Variants in KIAA0319L observed in about 807,000 individuals in gnomAD.
The protein encoded by KIAA0319L is dyslexia-associated protein KIAA0319-like protein.
A neutral mutation model predicts 120.1 loss-of-function variants in KIAA0319L; 55 were observed. That is an observed-to-expected ratio of 0.46 (90% CI 0.37 to 0.57). The LOEUF (loss-of-function observed/expected upper bound fraction) is 0.57, where lower values mean the gene tolerates loss of function less well. Ranked by LOEUF, KIAA0319L falls within the 20% of genes least tolerant of loss-of-function variation. The pLI, the probability that KIAA0319L is intolerant of heterozygous loss-of-function variation, is 0.00. For missense variants in KIAA0319L, 1,049 were observed against 1,255.3 expected, an observed-to-expected ratio of 0.84 and a Z score of 2.48; for synonymous variants, 398 against 471.9, an observed-to-expected ratio of 0.84 and a Z score of 2.03.
At chr1:35,527,189 T>G (rs992650199) in intron 2 of KIAA0319L, among the ~76,000 whole-genome samples, 4 of 152,152 alleles carry the variant, frequency 2.6e-5, no homozygotes, top group Non-Finnish European at 5.9e-5. Flanking sequence ...TGATGTATCA[T>G]TTTATTGATT....
rs1195757180 is a variant in KIAA0319L, at chr1:35,453,198, C to T, written c.1913+359G>A. On this transcript the variant is annotated intron_variant, in intron 12 of 20. Coordinates refer to ENST00000325722, the MANE Select transcript of KIAA0319L (RefSeq NM_024874.5). The surrounding 1 kb of genome is among the most constrained non-coding windows in gnomAD (Gnocchi z 4.1). ...TAGCTGCTCTGCCCCATCCCCCGTG[C>T]CAGCCTTACCCAGTTAATTCTGAGC... 6.6e-6 allele frequency among the ~76,000 whole-genome samples: 1 copy of T among 152,160 alleles called. No individual in the cohort carries two copies. Among genetic ancestry groups the T allele is most frequent in the East Asian group, 1.9e-4 (1 of 5,202 alleles).
At chr1:35,535,951 C>T (rs932956095) in intron 2 of KIAA0319L, among the ~76,000 whole-genome samples, 1 of 152,022 alleles carries the variant, frequency 6.6e-6, no homozygotes, top group African/African-American at 2.4e-5. Flanking sequence ...AAAAGTTCAC[C>T]CAATATTTAA....
chr1:35,467,287 A>G (rs1053274675), intron 6 of KIAA0319L, among the ~76,000 whole-genome samples: 1 of 152,156 alleles, frequency 6.6e-6, no homozygotes, highest in African/African-American at 2.4e-5. Context: ...CATTTTGTAA[A>G]GATACTAAAT....
chr1:35,545,549 G>T (rs1464827645), intron 2 of KIAA0319L, among the ~76,000 whole-genome samples: 1 of 152,196 alleles, frequency 6.6e-6, no homozygotes, highest in Non-Finnish European at 1.5e-5. Flanking sequence ...CATATGCAGA[G>T]AAATGGAGCC....
intron 2 of KIAA0319L, chr1:35,533,576 C>T (rs1646457159): frequency 6.6e-6 from 1 of 152,118 alleles, no homozygotes; most frequent in Non-Finnish European, 1.5e-5. Context: ...TCAAAGCTTT[C>T]CCTTGATAAT....
intron 19 of KIAA0319L, 26 bp downstream of exon 19, chr1:35,442,220 G>C: frequency 6.4e-7 from 1 of 1,551,546 alleles, no homozygotes. Flanking sequence ...AAGCCCGAAT[G>C]AATTTCAAAG....
At chr1:35,554,224 G>T in intron 2 of KIAA0319L, 126 bp downstream of exon 2, 1 of 600,662 alleles carries the variant, frequency 1.7e-6, no homozygotes, top group South Asian at 4.2e-5. Flanking sequence ...CCAAAAGGAT[G>T]ACCATTTCTG....
intron 13 of KIAA0319L, among the ~76,000 whole-genome samples, chr1:35,450,853 T>C (rs1642009421): frequency 6.6e-6 from 1 of 152,208 alleles, no homozygotes; most frequent in African/African-American, 2.4e-5. Flanking sequence ...CTTAAAACCT[T>C]GGAGTTTAGG....
At chr1:35,460,568 T>G in intron 8 of KIAA0319L, 131 bp from the exon 9 acceptor site, 5 of 753,514 alleles carry the variant, frequency 6.6e-6, no homozygotes, top group Non-Finnish European at 8.5e-6. Context: ...AGACTATCTC[T>G]CCAGAATGTT....
chr1:35,459,827 C>G (rs1194522879), intron 9 of KIAA0319L, among the ~76,000 whole-genome samples: 7 of 152,148 alleles, frequency 4.6e-5, no homozygotes, highest in African/African-American at 1.7e-4. Context: ...TCAATACTAG[C>G]TCCCCAAATG....
chr1:35,438,909 G>A (rs1352623186), intron 20 of KIAA0319L: 2 of 152,398 alleles, frequency 1.3e-5, no homozygotes, highest in Non-Finnish European at 2.9e-5. Context: ...TACTTAGGAA[G>A]CTGAGGTGGA....
rs1020232596 is a variant in KIAA0319L at position 35,437,123 on chromosome 1, T to C, written c.2963-2042A>G. On this transcript the variant is annotated intron_variant, in intron 20 of 20. Coordinates refer to ENST00000325722, the MANE Select transcript of KIAA0319L (RefSeq NM_024874.5). This position sits in a 1 kb window ranked among gnomAD's most constrained non-coding sequence, Gnocchi z 4.1. ...CCTGCTGCCCTCACCTGGTCGCACG[T>C]TGTTGGTTTTGGTCACCTAGATGCC... Among the ~76,000 whole-genome samples, 17 of 152,218 alleles carry C rather than the reference T, an allele frequency of 1.1e-4. No individual in the cohort carries two copies. The highest frequency in any genetic ancestry group is 2.1e-4 in the South Asian group (1 of 4,808).
intron 2 of KIAA0319L, among the ~76,000 whole-genome samples, chr1:35,546,796 T>C (rs1646998362): frequency 6.6e-6 from 1 of 152,040 alleles, no homozygotes; most frequent in African/African-American, 2.4e-5. Context: ...CCTTCTCTAC[T>C]ATAATAGAAA....
Position 35,483,029 on chromosome 1 carries a change from G to A in KIAA0319L, c.667-3817C>T, listed in dbSNP as rs181567747. 3.3e-5 allele frequency among the ~76,000 whole-genome samples: 5 copies of A among 152,012 alleles called. No homozygotes were observed. The South Asian group carries it at 6.2e-4, about 19-fold the overall frequency. The stretch of plus-strand genomic sequence containing the variant: ...TTGAACATCTTTTTATGTATTTATC[G>A]GACACCTGTATAACCTCTTTGGTGG... On this transcript the variant is annotated intron_variant, in intron 3 of 20. Coordinates refer to ENST00000325722, the MANE Select transcript of KIAA0319L (RefSeq NM_024874.5).
chr1:35,515,737 A>C (rs1645653313), intron 2 of KIAA0319L, among the ~76,000 whole-genome samples: 1 of 152,210 alleles, frequency 6.6e-6, no homozygotes, highest in Non-Finnish European at 1.5e-5. Flanking sequence ...AAGACACAAA[A>C]AAAATTCAAA....
At chr1:35,497,248 A>G (rs570547629) in intron 3 of KIAA0319L, among the ~76,000 whole-genome samples, 5 of 152,224 alleles carry the variant, frequency 3.3e-5, no homozygotes, top group East Asian at 1.9e-4. Flanking sequence ...AAAAAAAAAA[A>G]AGATGAAATG....
At chr1:35,495,313 C>T (rs1246355386) in intron 3 of KIAA0319L, among the ~76,000 whole-genome samples, 1 of 152,114 alleles carries the variant, frequency 6.6e-6, no homozygotes, top group African/African-American at 2.4e-5. Context: ...ATGGAGGTTG[C>T]AGTGAGCCGA....
At position 35,453,438 on chromosome 1, in the gene KIAA0319L, C is replaced by T. The variant is rs1642204431; in HGVS notation, c.1913+119G>A. 2 of 811,304 alleles carry T rather than the reference C, an allele frequency of 2.5e-6. No homozygotes were observed. Among genetic ancestry groups the T allele is most frequent in the East Asian group, 5.1e-5 (2 of 39,014 alleles). The allele number at this position is 811,304 out of a possible 1,614,324, so 50.3% of individuals were successfully genotyped here. ...AAGTTTGGAATTGCAAACATTTCTT[C>T]CTCAGTCACCCCACTGGATAAGCCA... On this transcript the variant is annotated intron_variant, in intron 12 of 20. Transcript: ENST00000325722. The surrounding 1 kb of genome is among the most constrained non-coding windows in gnomAD (Gnocchi z 4.1).
chr1:35,497,193 G>A (rs190795930), intron 3 of KIAA0319L, among the ~76,000 whole-genome samples: 2 of 151,598 alleles, frequency 1.3e-5, no homozygotes, highest in East Asian at 3.9e-4. Flanking sequence ...GGAAGTTTTG[G>A]GGGGGTGATA....
Sources: allele counts gnomAD v4.1 joint callset (sites outside exome capture counted in the v4.1 genomes callset), GRCh38; gene constraint gnomAD v4.1.1; non-coding constraint Gnocchi (gnomAD v3.1); transcripts MANE v1.5; gene names NCBI Gene and HGNC (gene_info 2026-07-23, HGNC 2026-07-21).